VARS1: variants seen among roughly 807,000 people sequenced by gnomAD.
VARS1 encodes valyl-tRNA synthetase 1.
In VARS1, 92 loss-of-function variants were observed where a neutral mutation model predicts 161.0. That is an observed-to-expected ratio of 0.57 (90% CI 0.48 to 0.68). The LOEUF (loss-of-function observed/expected upper bound fraction) is 0.68, where lower values mean the gene tolerates loss of function less well. VARS1 is among the 30% of genes least tolerant of loss of function. The pLI is 0.00. For synonymous variants in VARS1, 595 were observed against 682.5 expected, an observed-to-expected ratio of 0.87 and a Z score of 2.00; for missense variants, 1,338 against 1,695.9, an observed-to-expected ratio of 0.79 and a Z score of 3.71.
intron 8 of VARS1, among the ~76,000 whole-genome samples, chr6:31,788,354 G>A (rs187419787): frequency 6.6e-6 from 1 of 151,690 alleles, no homozygotes; most frequent in Non-Finnish European, 1.5e-5. Flanking sequence ...ACAAAAATTA[G>A]CCAGGTGTGG....
chr6:31,794,838 T>TCCTGGGCCGAGCTTCGGAGTC lies in VARS1; in HGVS notation c.359_379dup (p.Gly120_Gln126dup), dbSNP rs764011856. The stretch of plus-strand genomic sequence containing the variant: ...TCTGTACAACCCCCTCACCTGGGGG[T>TCCTGGGCCGAGCTTCGGAGTC]CCTGGGCCGAGCTTCGGAGTCCCAG... On this transcript the variant is annotated inframe_insertion, in exon 2 of 30. Transcript: ENST00000375663. The TCCTGGGCCGAGCTTCGGAGTC allele has an allele frequency of 1.2e-6, 2 of 1,601,132 alleles. No individual in the cohort carries two copies.
At position 31,781,798 on chromosome 6, in the gene VARS1, G is replaced by T. The variant is rs768717531; in HGVS notation, c.2348-37C>A. The T allele has an allele frequency of 1.4e-5, 23 of 1,612,844 alleles. No individual in the cohort carries two copies. Among genetic ancestry groups the T allele is most frequent in the Non-Finnish European group, 1.9e-5 (23 of 1,179,998 alleles). On this transcript the variant is annotated intron_variant, in intron 19 of 29. Coordinates refer to ENST00000375663, the MANE Select transcript of VARS1 (RefSeq NM_006295.3). This position sits in a 1 kb window ranked among gnomAD's most constrained non-coding sequence, Gnocchi z 6.8. Reference sequence around the variant, plus strand: ...CAAAGGTCAGAGGTCAGAGGGAGTGGAGCTCTGCCCCCCACAACTCCCTCC... The same window carrying T: ...CAAAGGTCAGAGGTCAGAGGGAGTGTAGCTCTGCCCCCCACAACTCCCTCC...
chr6:31,781,180 T>A lies in VARS1; in HGVS notation c.2545-57A>T. 1 of 1,582,866 alleles carries A rather than the reference T, an allele frequency of 6.3e-7. No individual in the cohort carries two copies. The highest frequency in any genetic ancestry group is 1.1e-5 in the South Asian group (1 of 89,968). ...CAGTCCTCTCCTTCCCCGGCCTCAGTGCCCCGACCAGGACTGTGTCTGGTC... is the reference window on the plus strand; with the variant it reads ...CAGTCCTCTCCTTCCCCGGCCTCAGAGCCCCGACCAGGACTGTGTCTGGTC... On this transcript the variant is annotated intron_variant, in intron 21 of 29. Transcript: ENST00000375663. This position sits in a 1 kb window ranked among gnomAD's most constrained non-coding sequence, Gnocchi z 6.8.
At position 31,780,580 on chromosome 6, in the gene VARS1, G is replaced by T. The variant is rs1397221504; in HGVS notation, c.2798-12C>A. The T allele has an allele frequency of 6.2e-7, 1 of 1,612,974 alleles. No individual in the cohort carries two copies. The highest frequency in any genetic ancestry group is 8.5e-7 in the Non-Finnish European group (1 of 1,179,344). ...GTTGATGTCACGACCTGGGTCGGGG[G>T]TGAGATGTGAGTCCTCATCACCCTC... On this transcript the variant is annotated splice_polypyrimidine_tract_variant and intron_variant, in intron 24 of 29. Transcript: ENST00000375663. The surrounding 1 kb of genome is among the most constrained non-coding windows in gnomAD (Gnocchi z 5.1).
Position 31,795,295 on chromosome 6 carries a change from G to A in VARS1, c.-33-45C>T. ...GGGGAAGACTGCGGGATCGAGGTGG[G>A]TCCTATGTTTGAGTAGAGAGGGGAC... On this transcript the variant is annotated intron_variant, in intron 1 of 29. Coordinates refer to ENST00000375663, the MANE Select transcript of VARS1 (RefSeq NM_006295.3). This position sits in a 1 kb window ranked among gnomAD's most constrained non-coding sequence, Gnocchi z 6.9. 1 of 1,306,232 alleles carries A rather than the reference G, an allele frequency of 7.7e-7. No individual in the cohort carries two copies. Among genetic ancestry groups the A allele is most frequent in the Non-Finnish European group, 9.8e-7 (1 of 1,017,792 alleles). 80.9% of individuals were successfully genotyped at this position (1,306,232 alleles called of 1,614,324 possible). A position where few individuals can be genotyped will look rare whatever the true frequency, so the allele number is the denominator to read the frequency against.
Position 31,791,819 on chromosome 6 carries a change from C to T in VARS1, c.972+52G>A. ...CTCCCAGGCAACACATCCTTCAGTC[C>T]TGCCCTTCCCCACCCCACCCACTCT... is the stretch of plus-strand genomic sequence containing the variant. On this transcript the variant is annotated intron_variant, in intron 7 of 29. Coordinates refer to ENST00000375663, the MANE Select transcript of VARS1 (RefSeq NM_006295.3). The surrounding 1 kb of genome is among the most constrained non-coding windows in gnomAD (Gnocchi z 5.0). The T allele has an allele frequency of 3.1e-6, 5 of 1,612,830 alleles. No individual in the cohort carries two copies. The highest frequency in any genetic ancestry group is 4.2e-6 in the Non-Finnish European group (5 of 1,179,896).
At position 31,791,874 on chromosome 6, in the gene VARS1, A is replaced by G; in HGVS notation, c.969T>C (p.Tyr323=). ...CTGGGCAGCAGTGCCTACTCACCCC[A>G]TACTCTGGCTTGAAGAAGCCCTGCT... The part of the protein sequence containing the change: ...WEQQGFFKPE[Y]GRPNVSAANP... Residue 323 remains tyrosine, a synonymous_variant, in exon 7 of 30, where the codon TAT becomes TAC. Coordinates refer to ENST00000375663, the MANE Select transcript of VARS1 (RefSeq NM_006295.3). The surrounding 1 kb of genome is among the most constrained non-coding windows in gnomAD (Gnocchi z 5.0). 6.2e-7 allele frequency: 1 copy of G among 1,609,986 alleles called. No individual in the cohort carries two copies. Among genetic ancestry groups the G allele is most frequent in the Non-Finnish European group, 8.5e-7 (1 of 1,178,260 alleles).
Position 31,795,463 on chromosome 6 carries a change from T to C in VARS1, c.-34+83A>G, listed in dbSNP as rs949311345. On this transcript the variant is annotated intron_variant, in intron 1 of 29. Coordinates refer to ENST00000375663, the MANE Select transcript of VARS1 (RefSeq NM_006295.3). This position sits in a 1 kb window ranked among gnomAD's most constrained non-coding sequence, Gnocchi z 6.9. ...CCTGGGGAAGAGGAACTATCCACCA[T>C]CGCGGGGCTTCGGGGAGTGTGGAAG... is the stretch of plus-strand genomic sequence containing the variant. 7.9e-6 allele frequency: 3 copies of C among 380,656 alleles called. No individual in the cohort carries two copies. Among genetic ancestry groups the C allele is most frequent in the African/African-American group, 6.2e-5 (3 of 48,276 alleles). The allele number at this position is 380,656 out of a possible 1,614,324, so 23.6% of individuals were successfully genotyped here.
At position 31,792,028 on chromosome 6, in the gene VARS1, A is replaced by C. The variant is rs147555643; in HGVS notation, c.872-57T>G. 1,343 of 1,500,064 alleles carry C rather than the reference A, an allele frequency of 9.0e-4. 13 individuals are homozygous for C. In the African/African-American group the frequency reaches 0.017, roughly 18 times the overall value. 92.9% of individuals were successfully genotyped at this position (1,500,064 alleles called of 1,614,324 possible). A position where few individuals can be genotyped will look rare whatever the true frequency, so the allele number is the denominator to read the frequency against. ...TGGCTGGGAGCACTCTGGGAAGGAG[A>C]CGTGCTGGCAGAGAGGGATCGGGAT... On this transcript the variant is annotated intron_variant, in intron 6 of 29. Coordinates refer to ENST00000375663, the MANE Select transcript of VARS1 (RefSeq NM_006295.3).
In VARS1 at chr6:31,794,846, C is replaced by G; in HGVS notation, c.372G>C (p.Ser124=). The G allele has an allele frequency of 6.2e-7, 1 of 1,604,558 alleles. No individual in the cohort carries two copies. The highest frequency in any genetic ancestry group is 8.5e-7 in the Non-Finnish European group (1 of 1,173,988). The change falls in exon 2 of 30, where the codon TCG becomes TCC. Residue 124 remains serine, a synonymous_variant. Transcript: ENST00000375663. ...ATLPALGLRS[S]AQDPQAVLGA... ...ACCCCCTCACCTGGGGGTCCTGGGC[C>G]GAGCTTCGGAGTCCCAGGGCCGGCA...
chr6:31,783,764 C>T (rs1170396913), intron 13 of VARS1, among the ~76,000 whole-genome samples: 1 of 150,604 alleles, frequency 6.6e-6, no homozygotes, highest in Non-Finnish European at 1.5e-5. Context: ...CAGGTTCAAG[C>T]GATTCTCCTG....
rs996434580 is a variant in VARS1, at chr6:31,782,874, T to C, written c.1763-29A>G. On this transcript the variant is annotated intron_variant, in intron 14 of 29. Coordinates refer to ENST00000375663, the MANE Select transcript of VARS1 (RefSeq NM_006295.3). The surrounding 1 kb of genome is among the most constrained non-coding windows in gnomAD (Gnocchi z 8.3). Reference sequence around the variant, plus strand: ...GGTGTACATCAGGATGCCCAGGTCATGAGGGACTCCACGGAGTTCCTTCCT... The same window carrying C: ...GGTGTACATCAGGATGCCCAGGTCACGAGGGACTCCACGGAGTTCCTTCCT... 16 of 1,600,130 alleles carry C rather than the reference T, an allele frequency of 1.0e-5. No homozygotes were observed. The highest frequency in any genetic ancestry group is 1.4e-5 in the Non-Finnish European group (16 of 1,173,194).
In VARS1 at chr6:31,785,696, CA is replaced by C; in HGVS notation, c.1137del (p.Gly380AlafsTer23). The C allele has an allele frequency of 6.2e-7, 1 of 1,612,740 alleles. No individual in the cohort carries two copies. The highest frequency in any genetic ancestry group is 8.5e-7 in the Non-Finnish European group (1 of 1,179,934). ...RMRGETTLWN[P>X]GCDHAGIATQ... Reference sequence around the variant, plus strand: ...GTGGCAATACCTGCATGGTCACAGCCAGGGTTCCACAGGGTGGTCTCCCCAC... The same window carrying C: ...GTGGCAATACCTGCATGGTCACAGCCGGGTTCCACAGGGTGGTCTCCCCAC... On this transcript the variant is annotated frameshift_variant, in exon 9 of 30. Transcript: ENST00000375663. LOFTEE classifies it high-confidence loss of function. The surrounding 1 kb of genome is among the most constrained non-coding windows in gnomAD (Gnocchi z 6.1).
intron 13 of VARS1, among the ~76,000 whole-genome samples, chr6:31,783,853 G>C (rs1813317283): frequency 6.6e-6 from 1 of 152,066 alleles, no homozygotes. Context: ...AGTAGAGATG[G>C]GGTTTCACTA....
Position 31,781,267 on chromosome 6 carries a change from G to T in VARS1, c.2545-144C>A. 1 of 1,179,102 alleles carries T rather than the reference G, an allele frequency of 8.5e-7. No homozygotes were observed. The highest frequency in any genetic ancestry group is 1.2e-6 in the Non-Finnish European group (1 of 835,092). The allele number at this position is 1,179,102 out of a possible 1,614,324, so 73.0% of individuals were successfully genotyped here. A position where few individuals can be genotyped will look rare whatever the true frequency, so the allele number is the denominator to read the frequency against. ...CCAAGAGCTCGTTGAGCGCCTTTAT[G>T]TGAATCAGAAGCACTCCTTCCTCTG... is the stretch of plus-strand genomic sequence containing the variant. On this transcript the variant is annotated intron_variant, in intron 21 of 29. Coordinates refer to ENST00000375663, the MANE Select transcript of VARS1 (RefSeq NM_006295.3). This position sits in a 1 kb window ranked among gnomAD's most constrained non-coding sequence, Gnocchi z 6.8.
rs201235641 is a variant in VARS1, at chr6:31,780,682, G to A, written c.2797+23C>T. On this transcript the variant is annotated intron_variant, in intron 24 of 29. Coordinates refer to ENST00000375663, the MANE Select transcript of VARS1 (RefSeq NM_006295.3). The surrounding 1 kb of genome is among the most constrained non-coding windows in gnomAD (Gnocchi z 5.1). ...CACAGAAGGAGGAAGGAGTGGCTGG[G>A]AGGGACGCTTTGGGGGCCATACCCT... is the stretch of plus-strand genomic sequence containing the variant. 1.6e-5 allele frequency: 26 copies of A among 1,614,144 alleles called. No individual in the cohort carries two copies. The Admixed American group carries it at 2.7e-4, about 17-fold the overall frequency.
chr6:31,794,107 A>G (rs577397996), intron 2 of VARS1, among the ~76,000 whole-genome samples: 52 of 151,744 alleles, frequency 3.4e-4, no homozygotes, highest in African/African-American at 9.2e-4. Context: ...AAAAAAAAAA[A>G]AAAAGAAAAG....
Position 31,777,764 on chromosome 6 carries a change from G to T in VARS1, c.3727-102C>A. On this transcript the variant is annotated intron_variant, in intron 29 of 29. Coordinates refer to ENST00000375663, the MANE Select transcript of VARS1 (RefSeq NM_006295.3). The surrounding 1 kb of genome is among the most constrained non-coding windows in gnomAD (Gnocchi z 5.8). ...GGAAAGATGAGCGAGGACCATGGGA[G>T]GTCAGTAGCTCAGAGGAGGCGTGAA... 1 of 1,392,090 alleles carries T rather than the reference G, an allele frequency of 7.2e-7. No individual in the cohort carries two copies. 86.2% of individuals were successfully genotyped at this position (1,392,090 alleles called of 1,614,324 possible). A position where few individuals can be genotyped will look rare whatever the true frequency, so the allele number is the denominator to read the frequency against.
chr6:31,783,067 T>C (rs1208851671), intron 14 of VARS1, 29 bp downstream of exon 14: 3 of 1,609,140 alleles, frequency 1.9e-6, no homozygotes, highest in African/African-American at 1.3e-5. Flanking sequence ...AGTCTTTTCC[T>C]CTCCCCACAG....
Sources: gnomAD v4.1 joint callset for allele counts (sites outside exome capture counted in the v4.1 genomes callset) on GRCh38, gnomAD v4.1.1 for gene constraint, Gnocchi (gnomAD v3.1) non-coding constraint, MANE v1.5 for transcripts, NCBI Gene and HGNC (gene_info 2026-07-23, HGNC 2026-07-21) for gene names.